Variants in LARP4B observed in about 807,000 individuals in gnomAD.
LARP4B encodes La ribonucleoprotein 4B, also known as la-related protein 4B.
In LARP4B, 12 loss-of-function variants were observed where a neutral mutation model predicts 89.8. That is an observed-to-expected ratio of 0.13 (90% CI 0.09 to 0.22). The LOEUF is 0.22. LARP4B is among the 10% of genes least tolerant of loss of function. The pLI, the probability that LARP4B is intolerant of heterozygous loss-of-function variation, is 1.00. For missense variants in LARP4B, 757 were observed against 947.7 expected, an observed-to-expected ratio of 0.80 and a Z score of 2.64; for synonymous variants, 367 against 363.3, an observed-to-expected ratio of 1.01 and a Z score of -0.12.
At chr10:831,276 C>CTT (rs76857973) in intron 8 of LARP4B, among the ~76,000 whole-genome samples, 3,085 of 121,870 alleles carry the variant, frequency 0.025, 57 homozygotes, top group Admixed American at 0.067. Context: ...AACTGCACAA[C>CTT]TTTTTTTTTT....
At chr10:931,183 C>A (rs111734794) in intron 1 of LARP4B, among the ~76,000 whole-genome samples, 8 of 149,612 alleles carry the variant, frequency 5.3e-5, no homozygotes, top group South Asian at 2.1e-4. Context: ...CGGTCCTCCT[C>A]AGCCCCGGCT....
chr10:880,169 TGC>T (rs1255219034), intron 3 of LARP4B, among the ~76,000 whole-genome samples: 1 of 152,152 alleles, frequency 6.6e-6, no homozygotes, highest in East Asian at 1.9e-4. Context: ...ACGTGTCACT[TGC>T]GTACAAATAC....
intron 1 of LARP4B, among the ~76,000 whole-genome samples, chr10:897,540 T>C (rs1314856620): frequency 6.6e-6 from 1 of 151,992 alleles, no homozygotes; most frequent in African/African-American, 2.4e-5. Flanking sequence ...ACGAAAAACT[T>C]TTGCCCCTCA....
intron 1 of LARP4B, among the ~76,000 whole-genome samples, chr10:891,599 G>T (rs1327550907): frequency 6.6e-6 from 1 of 152,082 alleles, no homozygotes; most frequent in Non-Finnish European, 1.5e-5. Context: ...CCTGAGAGAA[G>T]GAAGTTCACT....
intron 3 of LARP4B, among the ~76,000 whole-genome samples, chr10:875,706 A>G (rs1835426041): frequency 6.6e-6 from 1 of 152,042 alleles, no homozygotes; most frequent in Non-Finnish European, 1.5e-5. Flanking sequence ...TCCCACCACA[A>G]TGGCACTCAT....
chr10:936,934 TACTA>T, the LARP4B span, among the ~76,000 whole-genome samples: 1 of 152,192 alleles, frequency 6.6e-6, no homozygotes, highest in Admixed American at 6.5e-5. Flanking sequence ...CTTTTACAGA[TACTA>T]AGAAATATAC....
chr10:980,698 C>T, the LARP4B span, among the ~76,000 whole-genome samples: 5 of 152,346 alleles, frequency 3.3e-5, no homozygotes, highest in Admixed American at 1.3e-4. Context: ...GGGCCTGACC[C>T]GTGAAACCAT....
At position 814,894 on chromosome 10, in the gene LARP4B, A is replaced by AG; in HGVS notation, c.1821-45dup. 1 of 1,579,002 alleles carries AG rather than the reference A, an allele frequency of 6.3e-7. No individual in the cohort carries two copies. ...ATATTTGAATCTCATGCAACATCAC[A>AG]GGCCATTCAAGTCAGTCAACACCAA... On this transcript the variant is annotated intron_variant, in intron 16 of 17. Coordinates refer to ENST00000316157, the MANE Select transcript of LARP4B (RefSeq NM_015155.3). The surrounding 1 kb of genome is among the most constrained non-coding windows in gnomAD (Gnocchi z 4.4).
At chr10:968,495 C>T in the LARP4B span, among the ~76,000 whole-genome samples, 1 of 152,270 alleles carries the variant, frequency 6.6e-6, no homozygotes, top group South Asian at 2.1e-4. Context: ...GGTTTTACCC[C>T]ATGTGAGCAT....
intron 13 of LARP4B, among the ~76,000 whole-genome samples, chr10:823,207 C>T (rs1223436695): frequency 3.3e-5 from 5 of 152,086 alleles, no homozygotes; most frequent in African/African-American, 4.8e-5. Context: ...ACCACTGGTG[C>T]GTGCTTCCTA....
At chr10:973,847 C>T in the LARP4B span, among the ~76,000 whole-genome samples, 4 of 152,098 alleles carry the variant, frequency 2.6e-5, no homozygotes, top group East Asian at 3.9e-4. Flanking sequence ...GCAGTGATAC[C>T]GTGGAGTGAG....
At chr10:910,943 G>A (rs1165080605) in intron 1 of LARP4B, among the ~76,000 whole-genome samples, 1 of 152,210 alleles carries the variant, frequency 6.6e-6, no homozygotes, top group South Asian at 2.1e-4. Flanking sequence ...GTTAGGGACA[G>A]TCCAAGTCAC....
At chr10:830,749 A>T in intron 9 of LARP4B, 118 bp downstream of exon 9, 2 of 596,628 alleles carry the variant, frequency 3.4e-6, no homozygotes, top group Admixed American at 7.0e-5. Flanking sequence ...TCCTCTGCAG[A>T]TTATATTCAA....
intron 1 of LARP4B, among the ~76,000 whole-genome samples, chr10:929,649 AT>A (rs1296571061): frequency 1.3e-5 from 2 of 152,134 alleles, no homozygotes; most frequent in Admixed American, 1.3e-4. Flanking sequence ...ACCAGACAAC[AT>A]TTCCATGTTT....
At chr10:825,680 A>T in intron 12 of LARP4B, 84 bp downstream of exon 12, 1 of 858,480 alleles carries the variant, frequency 1.2e-6, no homozygotes, top group East Asian at 2.6e-5. Context: ...GAGGAGCAGG[A>T]CTAGTGATCA....
Position 847,581 on chromosome 10 carries a change from C to T in LARP4B, c.431-2526G>A, listed in dbSNP as rs148578680. Among the ~76,000 whole-genome samples, 205 of 151,828 alleles carry T rather than the reference C, an allele frequency of 1.4e-3. 1 individual carries two copies. Among genetic ancestry groups the T allele is most frequent in the African/African-American group, 4.7e-3 (196 of 41,394 alleles). ...TCACCCAGACTGGAGTGCAGTAGCG[C>T]GATCTTGCAACCTTGGCTCACTGCA... On this transcript the variant is annotated intron_variant, in intron 5 of 17. Coordinates refer to ENST00000316157, the MANE Select transcript of LARP4B (RefSeq NM_015155.3).
At chr10:934,617 C>G (rs1380876060), upstream of LARP4B, among the ~76,000 whole-genome samples, 1 of 151,936 alleles carries the variant, frequency 6.6e-6, no homozygotes, top group Non-Finnish European at 1.5e-5. Context: ...TTTTTCAAAC[C>G]TGTGTCTCAG....
At chr10:865,019 C>T (rs1834827196) in intron 3 of LARP4B, among the ~76,000 whole-genome samples, 1 of 152,172 alleles carries the variant, frequency 6.6e-6, no homozygotes, top group African/African-American at 2.4e-5. Context: ...ATGAAAATTG[C>T]TCCTAAGAAT....
the LARP4B span, among the ~76,000 whole-genome samples, chr10:970,595 T>A: frequency 6.6e-6 from 1 of 152,080 alleles, no homozygotes; most frequent in Non-Finnish European, 1.5e-5. Flanking sequence ...ACCACTGAAG[T>A]GTTTATTTTA....
Sources: allele counts gnomAD v4.1 joint callset (sites outside exome capture counted in the v4.1 genomes callset), GRCh38; gene constraint gnomAD v4.1.1; non-coding constraint Gnocchi (gnomAD v3.1); transcripts MANE v1.5; gene names NCBI Gene and HGNC (gene_info 2026-07-23, HGNC 2026-07-21).